HMGCLL1: variants seen among roughly 807,000 people sequenced by gnomAD.
The protein encoded by HMGCLL1 is 3-hydroxy-3-methylglutaryl-CoA lyase like 1, also known as 3-hydroxymethyl-3-methylglutaryl-CoA lyase, cytoplasmic.
HMGCLL1 carries 36 observed loss-of-function variants against 39.1 expected under a neutral mutation model. The observed-to-expected ratio is 0.92, with a 90% CI of 0.71 to 1.22. The LOEUF is 1.22. HMGCLL1 is among the 50% of genes most tolerant of loss of function. The probability of loss-of-function intolerance (pLI) is 0.00; values close to 1 mark genes in which losing one functional copy is unlikely to be tolerated. For synonymous variants in HMGCLL1, 149 were observed against 144.0 expected, an observed-to-expected ratio of 1.03 and a Z score of -0.25; for missense variants, 451 against 416.5, an observed-to-expected ratio of 1.08 and a Z score of -0.72.
chr6:55,577,223 C>A, intron 1 of HMGCLL1: 1 of 1,514,364 alleles, frequency 6.6e-7, no homozygotes, highest in South Asian at 1.2e-5. Flanking sequence ...GCTGTGAGTT[C>A]AATTACGATA....
the HMGCLL1 span, among the ~76,000 whole-genome samples, chr6:55,663,558 G>T: frequency 6.6e-6 from 1 of 151,640 alleles, no homozygotes; most frequent in Non-Finnish European, 1.5e-5. Flanking sequence ...TACAATTACA[G>T]TTCTTTTGCA....
chr6:55,488,063 A>G (rs1766131779), intron 7 of HMGCLL1, among the ~76,000 whole-genome samples: 1 of 152,104 alleles, frequency 6.6e-6, no homozygotes, highest in Non-Finnish European at 1.5e-5. Context: ...ATACACTCGT[A>G]TATAAGGTAA....
the HMGCLL1 span, among the ~76,000 whole-genome samples, chr6:55,637,437 A>AG: frequency 7.6e-6 from 1 of 132,132 alleles, no homozygotes; most frequent in East Asian, 2.4e-4. Context: ...TTCACGAAAA[A>AG]TTGGTCTGTT....
chr6:55,639,244 C>G, the HMGCLL1 span, among the ~76,000 whole-genome samples: 1 of 151,984 alleles, frequency 6.6e-6, no homozygotes, highest in Non-Finnish European at 1.5e-5. Context: ...AGCATAACCA[C>G]TACCATTACT....
chr6:55,647,552 C>T, the HMGCLL1 span, among the ~76,000 whole-genome samples: 1 of 136,902 alleles, frequency 7.3e-6, no homozygotes, highest in South Asian at 2.3e-4. Context: ...ATTTTCTTAT[C>T]AATTGTATGT....
At chr6:55,624,354 C>G in the HMGCLL1 span, among the ~76,000 whole-genome samples, 4 of 152,286 alleles carry the variant, frequency 2.6e-5, no homozygotes, top group South Asian at 6.2e-4. Context: ...ATTGCTTGAG[C>G]AAATTAACAC....
intron 6 of HMGCLL1, among the ~76,000 whole-genome samples, chr6:55,498,252 T>C (rs1381680869): frequency 1.3e-5 from 2 of 152,098 alleles, no homozygotes; most frequent in African/African-American, 4.8e-5. Flanking sequence ...AAAAAATATA[T>C]ATACAATTGT....
the HMGCLL1 span, among the ~76,000 whole-genome samples, chr6:55,615,998 G>A: frequency 6.6e-6 from 1 of 151,946 alleles, no homozygotes; most frequent in Non-Finnish European, 1.5e-5. Flanking sequence ...TTTTATTCCT[G>A]GGTAAAATTT....
chr6:55,473,250 T>G (rs1201610418), intron 7 of HMGCLL1, among the ~76,000 whole-genome samples: 1 of 151,446 alleles, frequency 6.6e-6, no homozygotes, highest in Non-Finnish European at 1.5e-5. Flanking sequence ...ATGATTGTAG[T>G]TGGATTATAG....
At chr6:55,545,211 C>T (rs1163325634) in intron 1 of HMGCLL1, among the ~76,000 whole-genome samples, 1 of 14,416 alleles carries the variant, frequency 6.9e-5, no homozygotes, top group African/African-American at 2.2e-4. Context: ...ACAATGTTTG[C>T]CAAAAAAAAA....
chr6:55,438,751 C>T (rs1763471163), intron 8 of HMGCLL1, among the ~76,000 whole-genome samples: 1 of 152,054 alleles, frequency 6.6e-6, no homozygotes. Context: ...TTTTACAATA[C>T]AGATGATTAT....
chr6:55,481,271 G>T (rs2127413296), intron 7 of HMGCLL1, among the ~76,000 whole-genome samples: 1 of 152,032 alleles, frequency 6.6e-6, no homozygotes, highest in Admixed American at 6.6e-5. Context: ...CCAGCTACTT[G>T]GGAGGCTGAG....
At chr6:55,580,787 T>C (rs1771971583), upstream of HMGCLL1, among the ~76,000 whole-genome samples, 1 of 152,166 alleles carries the variant, frequency 6.6e-6, no homozygotes, top group South Asian at 2.1e-4. Flanking sequence ...CGCTTAAAAC[T>C]CTGTAAAGCA....
the HMGCLL1 span, among the ~76,000 whole-genome samples, chr6:55,643,434 C>T: frequency 6.6e-6 from 1 of 152,126 alleles, no homozygotes; most frequent in Non-Finnish European, 1.5e-5. Context: ...ATAGACATAG[C>T]ATTGAATTTG....
At chr6:55,582,784 A>G (rs938186830), upstream of HMGCLL1, among the ~76,000 whole-genome samples, 1 of 152,128 alleles carries the variant, frequency 6.6e-6, no homozygotes, top group Non-Finnish European at 1.5e-5. Flanking sequence ...TATTTCTTGT[A>G]TATACTTTTT....
intron 7 of HMGCLL1, among the ~76,000 whole-genome samples, chr6:55,492,783 G>C (rs1766381380): frequency 6.6e-6 from 1 of 152,118 alleles, no homozygotes; most frequent in South Asian, 2.1e-4. Flanking sequence ...ATGTAACACA[G>C]AGTATACTAT....
the HMGCLL1 span, among the ~76,000 whole-genome samples, chr6:55,646,950 G>A: frequency 6.6e-6 from 1 of 151,970 alleles, no homozygotes; most frequent in Admixed American, 6.6e-5. Context: ...TTGATTTTCT[G>A]TCTGGAAGAT....
the HMGCLL1 span, among the ~76,000 whole-genome samples, chr6:55,647,562 T>G: frequency 1.5e-5 from 1 of 66,460 alleles, no homozygotes; most frequent in South Asian, 4.1e-4. Flanking sequence ...CAATTGTATG[T>G]TTTTTTTATT....
chr6:55,471,860 G>A (rs1325124136), intron 7 of HMGCLL1, among the ~76,000 whole-genome samples: 3 of 151,430 alleles, frequency 2.0e-5, no homozygotes, highest in African/African-American at 7.3e-5. Context: ...CTACTCCTGT[G>A]TAAACATCTA....
Sources: gnomAD v4.1 joint callset for allele counts (sites outside exome capture counted in the v4.1 genomes callset) on GRCh38, gnomAD v4.1.1 for gene constraint, MANE v1.5 for transcripts, NCBI Gene and HGNC (gene_info 2026-07-23, HGNC 2026-07-21) for gene names.